PCDHA1: variants seen among roughly 807,000 people sequenced by gnomAD.
PCDHA1 encodes protocadherin alpha 1, also known as protocadherin alpha-1.
In PCDHA1, 42 loss-of-function variants were observed where a neutral mutation model predicts 61.3. The observed-to-expected ratio is 0.69, with a 90% CI of 0.54 to 0.89. The LOEUF (loss-of-function observed/expected upper bound fraction) is 0.89. Among genes scored for constraint, PCDHA1 ranks in the 40% least tolerant of loss-of-function variants. The probability of loss-of-function intolerance (pLI) is 0.00; values close to 1 mark genes in which losing one functional copy is unlikely to be tolerated. For synonymous variants in PCDHA1, 610 were observed against 553.8 expected, an observed-to-expected ratio of 1.10 and a Z score of -1.43; for missense variants, 1,256 against 1,235.3, an observed-to-expected ratio of 1.02 and a Z score of -0.25.
chr5:140,880,743 T>C (rs976006299), intron 1 of PCDHA1, among the ~76,000 whole-genome samples: 7 of 152,212 alleles, frequency 4.6e-5, no homozygotes, highest in African/African-American at 1.7e-4. Flanking sequence ...AAATGGATTG[T>C]CAGTGTAACT....
chr5:140,924,274 T>C (rs904028474), intron 1 of PCDHA1, among the ~76,000 whole-genome samples: 1 of 152,232 alleles, frequency 6.6e-6, no homozygotes, highest in East Asian at 1.9e-4. Flanking sequence ...TCTGTACTTG[T>C]GACTACCTAA....
chr5:140,849,878 G>C, intron 1 of PCDHA1: 1 of 1,598,602 alleles, frequency 6.3e-7, no homozygotes, highest in South Asian at 1.1e-5. Context: ...CCGAGTACAC[G>C]GTGTTCGTGA....
chr5:140,877,702 G>T, intron 1 of PCDHA1: 2 of 1,613,996 alleles, frequency 1.2e-6, no homozygotes, highest in Admixed American at 3.3e-5. Context: ...GTGCTCCAGC[G>T]CCGTGGGGAG....
intron 1 of PCDHA1, chr5:140,871,289 G>T (rs955449203): frequency 6.2e-7 from 1 of 1,613,910 alleles, no homozygotes; most frequent in Non-Finnish European, 8.5e-7. Flanking sequence ...CCCACTGAGG[G>T]CGCGTGCGCG....
intron 1 of PCDHA1, among the ~76,000 whole-genome samples, chr5:140,888,256 C>A (rs1454353322): frequency 6.6e-6 from 1 of 151,942 alleles, no homozygotes; most frequent in African/African-American, 2.4e-5. Context: ...AGCAGTAGTT[C>A]TTGATAAGAA....
chr5:140,806,884 T>C (rs2149993035), intron 1 of PCDHA1: 1 of 424,894 alleles, frequency 2.4e-6, no homozygotes, highest in Admixed American at 4.0e-5. Flanking sequence ...TAGTACAAAA[T>C]GTATTCCTAT....
rs1581464132 is a variant in PCDHA1, at chr5:140,857,670, T to A, written c.2394+68986T>A. 10 of 1,596,646 alleles carry A rather than the reference T, an allele frequency of 6.3e-6. No homozygotes were observed. In the East Asian group the frequency reaches 2.2e-4, roughly 36 times the overall value. ...CAGGTGAGCGCGCGCGATGGGGGCG[T>A]GCCGCCTCTGGGCAGCAACTTGACG... On this transcript the variant is annotated intron_variant, in intron 1 of 3. Transcript: ENST00000504120.
chr5:140,877,168 C>T lies in PCDHA1; in HGVS notation c.2394+88484C>T, dbSNP rs199567490. The T allele has an allele frequency of 1.0e-4, 161 of 1,613,836 alleles. No homozygotes were observed. In the African/African-American group the frequency reaches 2.0e-3, roughly 20 times the overall value. On this transcript the variant is annotated intron_variant, in intron 1 of 3. Coordinates refer to ENST00000504120, the MANE Select transcript of PCDHA1 (RefSeq NM_018900.4). ...CGAGAACGACAACGCGCCGGCACTG[C>T]TGGCGACTCCGGCTGGCAGCGCAGG...
intron 1 of PCDHA1, chr5:140,822,166 A>C: frequency 6.2e-7 from 1 of 1,614,252 alleles, no homozygotes; most frequent in Non-Finnish European, 8.5e-7. Context: ...CAATCCGCCC[A>C]GGTTCTCCAG....
chr5:140,916,220 A>G (rs886998484), intron 1 of PCDHA1, among the ~76,000 whole-genome samples: 11 of 152,084 alleles, frequency 7.2e-5, no homozygotes, highest in African/African-American at 2.7e-4. Context: ...AGATCCAAAT[A>G]TGCTTTCCAG....
rs943336645 is a variant in PCDHA1 at position 140,847,564 on chromosome 5, G to A, written c.2394+58880G>A. On this transcript the variant is annotated intron_variant, in intron 1 of 3. Coordinates refer to ENST00000504120, the MANE Select transcript of PCDHA1 (RefSeq NM_018900.4). ...TAGCTTTAAAAACAGAAATTGCCCC[G>A]AGTACTAAGGATGAGCAATAATGAA... The A allele has an allele frequency of 3.3e-5, 5 of 149,268 alleles. 1 individual carries two copies. The highest frequency in any genetic ancestry group is 1.3e-4 in the Admixed American group (2 of 14,886). The allele number at this position is 149,268 out of a possible 1,614,324, so 9.2% of individuals were successfully genotyped here. A position where few individuals can be genotyped will look rare whatever the true frequency, so the allele number is the denominator to read the frequency against.
intron 1 of PCDHA1, among the ~76,000 whole-genome samples, chr5:140,932,822 A>G (rs1191525374): frequency 6.6e-6 from 1 of 151,946 alleles, no homozygotes; most frequent in Non-Finnish European, 1.5e-5. Context: ...ATAAGTGGGA[A>G]AGTATTGACA....
intron 1 of PCDHA1, chr5:140,795,606 T>C: frequency 6.2e-7 from 1 of 1,614,214 alleles, no homozygotes; most frequent in Non-Finnish European, 8.5e-7. Flanking sequence ...TACTGGTGGC[T>C]ACTGATGGGG....
intron 1 of PCDHA1, chr5:140,841,899 A>G (rs1362176056): frequency 1.9e-6 from 3 of 1,613,740 alleles, no homozygotes; most frequent in Non-Finnish European, 2.5e-6. Context: ...AAACTGGTTG[A>G]GCTCGTATTA....
At chr5:140,853,186 T>A (rs1319210557) in intron 1 of PCDHA1, 2 of 978,922 alleles carry the variant, frequency 2.0e-6, no homozygotes, top group African/African-American at 3.5e-5. Flanking sequence ...GCCTAAAATG[T>A]GTTCTTTATT....
intron 1 of PCDHA1, chr5:140,870,414 G>T: frequency 6.2e-7 from 1 of 1,614,230 alleles, no homozygotes; most frequent in Non-Finnish European, 8.5e-7. Context: ...TGTGGGCCAC[G>T]GCCAGGGTAT....
At chr5:141,001,985 GAAGTTC>G in intron 3 of PCDHA1, among the ~76,000 whole-genome samples, 1 of 152,312 alleles carries the variant, frequency 6.6e-6, no homozygotes, top group Admixed American at 6.5e-5. Context: ...GGAAAGCCTG[GAAGTTC>G]ACTTGCAAAC....
intron 1 of PCDHA1, among the ~76,000 whole-genome samples, chr5:140,886,844 A>AAAAG (rs1232979230): frequency 8.6e-5 from 13 of 150,634 alleles, no homozygotes; most frequent in African/African-American, 1.2e-4. Flanking sequence ...AAAAAAAAAA[A>AAAAG]AAAGAAAGGT....
At position 140,832,887 on chromosome 5, in the gene PCDHA1, G is replaced by C. The variant is rs118038864; in HGVS notation, c.2394+44203G>C. Among the ~76,000 whole-genome samples, 50 of 152,256 alleles carry C rather than the reference G, an allele frequency of 3.3e-4. No homozygotes were observed. The East Asian group carries it at 9.3e-3, about 28-fold the overall frequency. Reference sequence around the variant, plus strand: ...TGTTTTACTGGTTATAAAATGGAAAGAGTTTTCCCTGGGAGAATATGGAGA... The same window carrying C: ...TGTTTTACTGGTTATAAAATGGAAACAGTTTTCCCTGGGAGAATATGGAGA... On this transcript the variant is annotated intron_variant, in intron 1 of 3. Coordinates refer to ENST00000504120, the MANE Select transcript of PCDHA1 (RefSeq NM_018900.4).
Sources: allele counts gnomAD v4.1 joint callset (sites outside exome capture counted in the v4.1 genomes callset), GRCh38; gene constraint gnomAD v4.1.1; transcripts MANE v1.5; gene names NCBI Gene and HGNC (gene_info 2026-07-23, HGNC 2026-07-21).